Variants in ZNF730 observed in about 807,000 individuals in gnomAD.
The protein encoded by ZNF730 is putative zinc finger protein 730.
A neutral mutation model predicts 12.6 loss-of-function variants in ZNF730; 12 were observed. The ratio of observed to expected loss-of-function variants is 0.95; its 90% CI spans 0.61 to 1.54. The LOEUF is 1.54. ZNF730 is among the 40% of genes most tolerant of loss of function. ZNF730 has a pLI of 0.00. For missense variants in ZNF730, 643 were observed against 583.5 expected, an observed-to-expected ratio of 1.10 and a Z score of -1.05; for synonymous variants, 194 against 195.8, an observed-to-expected ratio of 0.99 and a Z score of 0.08.
intron 1 of ZNF730, among the ~76,000 whole-genome samples, chr19:23,107,690 C>T (rs1278767054): frequency 1.3e-5 from 2 of 150,018 alleles, no homozygotes; most frequent in Non-Finnish European, 3.0e-5. Context: ...TGTTTTATAT[C>T]AACAAAAAAT....
At chr19:23,121,215 A>G (rs1418304112) in intron 1 of ZNF730, among the ~76,000 whole-genome samples, 1 of 152,120 alleles carries the variant, frequency 6.6e-6, no homozygotes, top group Non-Finnish European at 1.5e-5. Context: ...TATTAGGACT[A>G]TTTGGTCAAG....
intron 1 of ZNF730, among the ~76,000 whole-genome samples, chr19:23,085,836 CT>C (rs556123915): frequency 1.3e-3 from 70 of 54,856 alleles, no homozygotes; most frequent in African/African-American, 3.2e-3. Context: ...ATTTTTTTTT[CT>C]TTTTTTTTTT....
At position 23,129,863 on chromosome 19, in the gene ZNF730, G is replaced by A. The variant is rs901274329; in HGVS notation, c.4-4217G>A. 4.6e-5 allele frequency among the ~76,000 whole-genome samples: 7 copies of A among 151,872 alleles called. No homozygotes were observed. In the South Asian group the frequency reaches 6.3e-4, roughly 14 times the overall value. ...AAAAAAATTAGCCGGATGTGGTGGCGGGCACCTGTAGTCCCAGCTACTCAG... is the reference window on the plus strand; with the variant it reads ...AAAAAAATTAGCCGGATGTGGTGGCAGGCACCTGTAGTCCCAGCTACTCAG... On this transcript the variant is annotated intron_variant, in intron 1 of 3. Coordinates refer to ENST00000597761, the MANE Select transcript of ZNF730 (RefSeq NM_001277403.2).
intron 1 of ZNF730, among the ~76,000 whole-genome samples, chr19:23,082,421 A>C (rs896618077): frequency 1.3e-5 from 2 of 150,744 alleles, no homozygotes; most frequent in African/African-American, 4.9e-5. Flanking sequence ...ATCTTGGCTC[A>C]CTGCAACCTC....
At chr19:23,093,127 C>T (rs1191646746) in intron 1 of ZNF730, among the ~76,000 whole-genome samples, 1 of 152,132 alleles carries the variant, frequency 6.6e-6, no homozygotes, top group Non-Finnish European at 1.5e-5. Context: ...CAGGCACACG[C>T]CACTAGGCCC....
At chr19:23,078,039 G>T (rs573880305) in intron 1 of ZNF730, among the ~76,000 whole-genome samples, 1 of 152,250 alleles carries the variant, frequency 6.6e-6, no homozygotes, top group South Asian at 2.1e-4. Flanking sequence ...ACTGCTGAAG[G>T]CCGCAGGGAC....
At chr19:23,083,927 A>T (rs1310213370) in intron 1 of ZNF730, among the ~76,000 whole-genome samples, 1 of 151,976 alleles carries the variant, frequency 6.6e-6, no homozygotes, top group Non-Finnish European at 1.5e-5. Flanking sequence ...GCTTGATGTA[A>T]TCTCATTAGC....
At chr19:23,126,925 G>A (rs1970678406) in intron 1 of ZNF730, 1 of 522,850 alleles carries the variant, frequency 1.9e-6, no homozygotes, top group Non-Finnish European at 3.8e-6. Context: ...GGGTCAGAAA[G>A]TTTGAGGTCC....
At chr19:23,117,821 T>C (rs1186837416) in intron 1 of ZNF730, among the ~76,000 whole-genome samples, 1 of 152,222 alleles carries the variant, frequency 6.6e-6, no homozygotes, top group Non-Finnish European at 1.5e-5. Context: ...GTTTATAGTT[T>C]GTTACGCCTA....
chr19:23,111,965 A>G (rs1970465779), intron 1 of ZNF730, among the ~76,000 whole-genome samples: 1 of 149,582 alleles, frequency 6.7e-6, no homozygotes, highest in Non-Finnish European at 1.5e-5. Flanking sequence ...AAAAGGCTTT[A>G]ATGCATTATG....
upstream of ZNF730, among the ~76,000 whole-genome samples, chr19:23,116,239 G>A (rs1970517941): frequency 6.6e-6 from 1 of 151,832 alleles, no homozygotes; most frequent in African/African-American, 2.4e-5. Context: ...CCTTTGTTCA[G>A]TGTCTGATCT....
At chr19:23,083,118 T>A (rs1343282290) in intron 1 of ZNF730, among the ~76,000 whole-genome samples, 2 of 152,044 alleles carry the variant, frequency 1.3e-5, no homozygotes, top group Non-Finnish European at 2.9e-5. Context: ...ATGGATTTTC[T>A]TTTTTTTAGA....
At position 23,146,233 on chromosome 19, in the gene ZNF730, A is replaced by G. The variant is rs781047700; in HGVS notation, c.1189A>G (p.Lys397Glu). 1.7e-5 allele frequency: 28 copies of G among 1,613,034 alleles called. No homozygotes were observed. Among genetic ancestry groups the G allele is most frequent in the Non-Finnish European group, 2.4e-5 (28 of 1,179,404 alleles). ...AATTCATACTGTAGAGAAATTTTAC[A>G]AATGTGAAGAATGTGGCAAAGCCTT... ...KIIHTVEKFY[K>E]CEECGKAFSR... Residue 397 changes from lysine to glutamate, a missense_variant, in exon 4 of 4, where the codon AAA (lysine) becomes GAA (glutamate). Coordinates refer to ENST00000597761, the MANE Select transcript of ZNF730 (RefSeq NM_001277403.2).
intron 3 of ZNF730, among the ~76,000 whole-genome samples, chr19:23,140,393 T>C (rs1389249076): frequency 6.8e-6 from 1 of 147,428 alleles, no homozygotes; most frequent in South Asian, 2.2e-4. Context: ...GCAGATCACT[T>C]GAGGTCAGGA....
chr19:23,135,705 G>T (rs1448315331), intron 2 of ZNF730, among the ~76,000 whole-genome samples: 1 of 152,012 alleles, frequency 6.6e-6, no homozygotes, highest in East Asian at 1.9e-4. Context: ...TAGAGACAGG[G>T]TTTCACTATG....
chr19:23,101,634 ATCTCCGCTCACTGCAACC>A (rs377143664), intron 1 of ZNF730, among the ~76,000 whole-genome samples: 2,690 of 152,294 alleles, frequency 0.018, 38 homozygotes, highest in Middle Eastern at 0.034. Context: ...TGATGGTGCA[ATCTCCGCTCACTGCAACC>A]TCTGCCTCCC....
At position 23,117,155 on chromosome 19, in the gene ZNF730, G is replaced by T. The variant is rs1158347942; in HGVS notation, c.-19G>T. Reference sequence around the variant, plus strand: ...GGAGATCCACAGCTAAGACGCCAGGGCCCCCTGGAAGCCTAGAAATGGTGA... The same window carrying T: ...GGAGATCCACAGCTAAGACGCCAGGTCCCCCTGGAAGCCTAGAAATGGTGA... On this transcript the variant is annotated 5_prime_UTR_variant, in exon 1 of 4. Coordinates refer to ENST00000597761, the MANE Select transcript of ZNF730 (RefSeq NM_001277403.2). The T allele has an allele frequency of 3.1e-6, 5 of 1,613,814 alleles. No homozygotes were observed. Among genetic ancestry groups the T allele is most frequent in the South Asian group, 1.1e-5 (1 of 91,078 alleles).
chr19:23,110,602 AT>A (rs1970450434), intron 1 of ZNF730, among the ~76,000 whole-genome samples: 1 of 152,192 alleles, frequency 6.6e-6, no homozygotes, highest in African/African-American at 2.4e-5. Context: ...ATTTTAAGTC[AT>A]TTCCACAGTT....
intron 1 of ZNF730, chr19:23,123,654 A>ATGCTGACG (rs1970627245): frequency 6.7e-6 from 1 of 150,148 alleles, no homozygotes; most frequent in African/African-American, 2.5e-5. Flanking sequence ...CATGTTTCTC[A>ATGCTGACG]TGCTGAGAGT....
Sources: gnomAD v4.1 joint callset for allele counts (sites outside exome capture counted in the v4.1 genomes callset) on GRCh38, gnomAD v4.1.1 for gene constraint, MANE v1.5 for transcripts, NCBI Gene and HGNC (gene_info 2026-07-23, HGNC 2026-07-21) for gene names.